ABHD4: variants seen among roughly 807,000 people sequenced by gnomAD.
ABHD4 encodes abhydrolase domain containing 4, N-acyl phospholipase B.
Under a neutral mutation model 42.3 loss-of-function variants are expected in ABHD4, and 35 were observed. That is an observed-to-expected ratio of 0.83 (90% CI 0.63 to 1.10). The LOEUF is 1.10. Among genes scored for constraint, ABHD4 ranks in the 50% least tolerant of loss-of-function variants. ABHD4 has a pLI of 0.00. For synonymous variants in ABHD4, 169 were observed against 170.6 expected (o/e 0.99, Z 0.07); for missense variants, 389 against 454.8 (o/e 0.86, Z 1.32).
chr14:22,601,749 C>T lies in ABHD4; in HGVS notation c.106C>T (p.Leu36Phe). Residue 36 changes from leucine to phenylalanine, a missense_variant, in exon 2 of 7, where the codon CTC becomes TTC. Around this residue, in one of 3 missense-constraint regions of ABHD4, gnomAD observed 102 missense variants for 128.3 expected, o/e 0.80. Transcript: ENST00000428304. ...SQLKNVEARI[L>F]QCLQNKFLAR... Reference sequence around the variant, plus strand: ...GCTGAAGAATGTGGAAGCCAGGATCCTCCAGTGTAAGTAGAATGGACAGCT... The same window carrying T: ...GCTGAAGAATGTGGAAGCCAGGATCTTCCAGTGTAAGTAGAATGGACAGCT... 3.7e-6 allele frequency: 6 copies of T among 1,614,118 alleles called. No homozygotes were observed. In the Middle Eastern group the frequency reaches 9.9e-4, roughly 266 times the overall value.
intron 6 of ABHD4, among the ~76,000 whole-genome samples, chr14:22,610,546 A>G (rs1263990924): frequency 2.0e-5 from 3 of 152,128 alleles, no homozygotes; most frequent in African/African-American, 7.2e-5. Flanking sequence ...CCATGTGCCA[A>G]TGAGTGTGCT....
At chr14:22,608,531 T>C (rs1287941318) in intron 5 of ABHD4, among the ~76,000 whole-genome samples, 1 of 152,184 alleles carries the variant, frequency 6.6e-6, no homozygotes, top group Non-Finnish European at 1.5e-5. Context: ...AATTCCAGAG[T>C]CTTCTCAGGA....
At position 22,610,899 on chromosome 14, in the gene ABHD4, C is replaced by T. The variant is rs751155175; in HGVS notation, c.980C>T (p.Pro327Leu). ...GASHHVYADQ[P>L]HIFNAVVEEI... ...TCCCACCATGTCTATGCTGACCAGC[C>T]ACACATCTTCAATGCTGTGGTGGAG... is the stretch of plus-strand genomic sequence containing the variant. Residue 327 changes from proline to leucine, a missense_variant, in exon 7 of 7, where the codon CCA becomes CTA. Pro to Leu is a moderately conservative substitution (Grantham distance 98). Coordinates refer to ENST00000428304, the MANE Select transcript of ABHD4 (RefSeq NM_022060.3). 1.2e-6 allele frequency: 2 copies of T among 1,614,128 alleles called. No homozygotes were observed. The highest frequency in any genetic ancestry group is 2.2e-5 in the South Asian group (2 of 91,084).
intron 5 of ABHD4, among the ~76,000 whole-genome samples, chr14:22,608,137 C>G (rs1392818671): frequency 6.6e-6 from 1 of 152,172 alleles, no homozygotes. Flanking sequence ...GAAAACACAG[C>G]TGAGGATTTG....
At chr14:22,602,701 G>A (rs2037299838) in intron 2 of ABHD4, among the ~76,000 whole-genome samples, 1 of 152,220 alleles carries the variant, frequency 6.6e-6, no homozygotes, top group South Asian at 2.1e-4. Context: ...TGGGCACGCT[G>A]TTTCAAGGGA....
intron 3 of ABHD4, 48 bp from the exon 4 acceptor site, chr14:22,603,877 C>G (rs1049846285): frequency 6.2e-7 from 1 of 1,605,424 alleles, no homozygotes; most frequent in Non-Finnish European, 8.5e-7. Context: ...GCTATGGCAA[C>G]TACCAGAGAA....
chr14:22,612,393 A>G lies in ABHD4; in HGVS notation c.*1445A>G, dbSNP rs528599722. ...GATGATGTTTAAAATTGCTCTGATC[A>G]CTGGTGGTGCTGAATTCGCAACAGC... On this transcript the variant is annotated 3_prime_UTR_variant, in exon 7 of 7. Transcript: ENST00000428304. 6.6e-6 allele frequency: 1 copy of G among 152,366 alleles called. No homozygotes were observed. The highest frequency in any genetic ancestry group is 6.5e-5 in the Admixed American group (1 of 15,298). The allele number at this position is 152,366 out of a possible 1,614,324, so 9.4% of individuals were successfully genotyped here. A position where few individuals can be genotyped will look rare whatever the true frequency, so the allele number is the denominator to read the frequency against.
intron 1 of ABHD4, among the ~76,000 whole-genome samples, chr14:22,600,999 A>C (rs2037278616): frequency 6.6e-6 from 1 of 152,152 alleles, no homozygotes; most frequent in African/African-American, 2.4e-5. Flanking sequence ...GACATAGGTG[A>C]GCTTTCTACT....
At chr14:22,604,758 C>A (rs1297392577) in intron 4 of ABHD4, among the ~76,000 whole-genome samples, 1 of 151,814 alleles carries the variant, frequency 6.6e-6, no homozygotes, top group African/African-American at 2.4e-5. Flanking sequence ...TGCAGGTGTA[C>A]CCCACCACAC....
chr14:22,603,800 C>T (rs1382571899), intron 3 of ABHD4, 38 bp downstream of exon 3: 1 of 1,566,484 alleles, frequency 6.4e-7, no homozygotes, highest in Non-Finnish European at 8.7e-7. Context: ...TGACCTAATT[C>T]CTGGCCTTAC....
At chr14:22,607,560 T>C (rs1192326434) in intron 5 of ABHD4, among the ~76,000 whole-genome samples, 1 of 152,116 alleles carries the variant, frequency 6.6e-6, no homozygotes, top group Non-Finnish European at 1.5e-5. Flanking sequence ...GCATTCCACA[T>C]GAGCTCAGCT....
At chr14:22,599,757 G>C (rs2037260929) in intron 1 of ABHD4, among the ~76,000 whole-genome samples, 2 of 152,202 alleles carry the variant, frequency 1.3e-5, no homozygotes, top group African/African-American at 2.4e-5. Context: ...GATTTAGAGA[G>C]AAAATTTGTC....
chr14:22,607,839 G>A (rs2037366539), intron 5 of ABHD4, among the ~76,000 whole-genome samples: 1 of 152,174 alleles, frequency 6.6e-6, no homozygotes, highest in Admixed American at 6.5e-5. Flanking sequence ...AAGCAAAGGT[G>A]ACATCAGTGA....
At chr14:22,604,955 C>T (rs1420911050) in intron 4 of ABHD4, among the ~76,000 whole-genome samples, 1 of 152,200 alleles carries the variant, frequency 6.6e-6, no homozygotes, top group East Asian at 1.9e-4. Flanking sequence ...TGCCCAGTAA[C>T]CACTGGATCC....
At position 22,603,982 on chromosome 14, in the gene ABHD4, C is replaced by T. The variant is rs200132557; in HGVS notation, c.543C>T (p.Pro181=). The change falls in exon 4 of 7, where the codon CCC becomes CCT. Residue 181 remains proline (P), a synonymous_variant. Transcript: ENST00000428304. ...GCTTTCCCCTCCGACCAACTAACCC[C>T]AGTGAGATCCGTGCACCCCCAGCCT... ...PWGFPLRPTN[P]SEIRAPPAWV... is the part of the protein sequence containing the mutation. 2.0e-5 allele frequency: 33 copies of T among 1,614,214 alleles called. 1 individual carries two copies. In the Admixed American group the frequency reaches 3.8e-4, roughly 19 times the overall value.
chr14:22,598,687 C>T, intron 1 of ABHD4: 1 of 421,138 alleles, frequency 2.4e-6, no homozygotes, highest in Non-Finnish European at 4.4e-6. Flanking sequence ...AGCAGCCAGG[C>T]GTGCTCGTCT....
At chr14:22,600,048 C>A in intron 1 of ABHD4, 1 of 322,528 alleles carries the variant, frequency 3.1e-6, no homozygotes, top group Non-Finnish European at 6.5e-6. Flanking sequence ...GGAGTTTGTG[C>A]TAGGCAATAT....
rs1051604005 is a variant in ABHD4, at chr14:22,612,661, C to T, written c.*1713C>T. Reference sequence around the variant, plus strand: ...GCTGCCCATTAGACACCCTTTCTTCCTAAGTTCAAGGGAAGCCCACACATG... The same window carrying T: ...GCTGCCCATTAGACACCCTTTCTTCTTAAGTTCAAGGGAAGCCCACACATG... On this transcript the variant is annotated 3_prime_UTR_variant, in exon 7 of 7. Coordinates refer to ENST00000428304, the MANE Select transcript of ABHD4 (RefSeq NM_022060.3). 3.3e-5 allele frequency: 5 copies of T among 152,288 alleles called. No individual in the cohort carries two copies. The highest frequency in any genetic ancestry group is 7.3e-5 in the Non-Finnish European group (5 of 68,092). 9.4% of individuals were successfully genotyped at this position (152,288 alleles called of 1,614,324 possible). A position where few individuals can be genotyped will look rare whatever the true frequency, so the allele number is the denominator to read the frequency against.
At position 22,609,767 on chromosome 14, in the gene ABHD4, G is replaced by T. The variant is rs767993878; in HGVS notation, c.796G>T (p.Ala266Ser). Residue 266 changes from alanine (A) to serine (S), a missense_variant, in exon 6 of 7, where the codon GCC (alanine) becomes TCC (serine). Transcript: ENST00000428304. ...AGCCATGATGGAGTCCTTTGGCTGG[G>T]CCCGGCGCCCTATGCTGGAGCGAAT... ...FKAMMESFGW[A>S]RRPMLERIHL... The T allele has an allele frequency of 6.2e-7, 1 of 1,614,164 alleles. No homozygotes were observed. Among genetic ancestry groups the T allele is most frequent in the Non-Finnish European group, 8.5e-7 (1 of 1,180,032 alleles).
Sources: allele counts gnomAD v4.1 joint callset (sites outside exome capture counted in the v4.1 genomes callset), GRCh38; gene constraint gnomAD v4.1.1; regional missense constraint gnomAD v4.1.1; transcripts MANE v1.5; gene names NCBI Gene and HGNC (gene_info 2026-07-23, HGNC 2026-07-21).